SIMC1: variants seen among roughly 807,000 people sequenced by gnomAD.
The protein encoded by SIMC1 is SUMO interacting motifs containing 1.
Under a neutral mutation model 82.3 loss-of-function variants are expected in SIMC1, and 55 were observed. The ratio of observed to expected loss-of-function variants is 0.67; its 90% CI spans 0.54 to 0.84. The LOEUF (loss-of-function observed/expected upper bound fraction) is 0.84, where lower values mean the gene tolerates loss of function less well. Among genes scored for constraint, SIMC1 ranks in the 40% least tolerant of loss-of-function variants. The probability of loss-of-function intolerance (pLI) is 0.00; values close to 1 mark genes in which losing one functional copy is unlikely to be tolerated. For missense variants in SIMC1, 915 were observed against 1,107.2 expected, an observed-to-expected ratio of 0.83 and a Z score of 2.46; for synonymous variants, 353 against 426.3, an observed-to-expected ratio of 0.83 and a Z score of 2.12.
At chr5:176,313,932 G>A in intron 5 of SIMC1, 87 bp downstream of exon 5, 2 of 1,558,780 alleles carry the variant, frequency 1.3e-6, no homozygotes, top group Non-Finnish European at 1.7e-6. Context: ...AGCCAGGTGA[G>A]GTTTTCTAGT....
chr5:176,276,185 C>T (rs1269738467), intron 1 of SIMC1, among the ~76,000 whole-genome samples: 8 of 151,628 alleles, frequency 5.3e-5, no homozygotes, highest in Middle Eastern at 3.2e-3. Context: ...TCAACTTCTT[C>T]CTGGTTTAGT....
intron 1 of SIMC1, among the ~76,000 whole-genome samples, chr5:176,246,275 G>A (rs1761437412): frequency 6.6e-6 from 1 of 152,052 alleles, no homozygotes; most frequent in Non-Finnish European, 1.5e-5. Context: ...CTCCCAAAGT[G>A]TTGGGATTAC....
At chr5:176,281,908 C>A (rs927667652) in intron 1 of SIMC1, among the ~76,000 whole-genome samples, 5 of 152,200 alleles carry the variant, frequency 3.3e-5, no homozygotes, top group African/African-American at 1.2e-4. Flanking sequence ...AGGCAGTCTG[C>A]CCGTTCTCAG....
intron 6 of SIMC1, among the ~76,000 whole-genome samples, chr5:176,323,983 A>G (rs555733184): frequency 6.8e-6 from 1 of 147,828 alleles, no homozygotes; most frequent in African/African-American, 2.5e-5. Flanking sequence ...GCTAGACTCC[A>G]TCTCAAAAAA....
In SIMC1 at chr5:176,289,759, A is replaced by G; in HGVS notation, c.235A>G (p.Thr79Ala). The G allele has an allele frequency of 6.2e-7, 1 of 1,613,736 alleles. No individual in the cohort carries two copies. The highest frequency in any genetic ancestry group is 8.5e-7 in the Non-Finnish European group (1 of 1,179,822). The change falls in exon 2 of 10, where the codon ACT (threonine) becomes GCT (alanine). Residue 79 changes from threonine (T) to alanine (A), a missense_variant. This residue lies in a region of SIMC1 where 902 missense variants were observed against 1,040.3 expected (regional missense o/e 0.87). Coordinates refer to ENST00000429602, the MANE Select transcript of SIMC1 (RefSeq NM_001308195.2). ...TGAGGGAGAAAATAGACCTATTGCCACTCTTGACTTAACTTTAGAACCTGT... is the reference window on the plus strand; with the variant it reads ...TGAGGGAGAAAATAGACCTATTGCCGCTCTTGACTTAACTTTAGAACCTGT... ...RAEGENRPIA[T>A]LDLTLEPVTP...
At chr5:176,344,042 C>T (rs951327406) in intron 9 of SIMC1, among the ~76,000 whole-genome samples, 1 of 152,106 alleles carries the variant, frequency 6.6e-6, no homozygotes, top group East Asian at 1.9e-4. Context: ...GGTGATCTGC[C>T]CATCTCCGCC....
intron 1 of SIMC1, among the ~76,000 whole-genome samples, chr5:176,273,774 G>A (rs918435599): frequency 3.9e-5 from 6 of 152,156 alleles, no homozygotes; most frequent in Non-Finnish European, 5.9e-5. Context: ...TTGTTCTTGC[G>A]ATAGTTTACT....
At chr5:176,275,714 C>T (rs995713039) in intron 1 of SIMC1, among the ~76,000 whole-genome samples, 2 of 151,856 alleles carry the variant, frequency 1.3e-5, no homozygotes, top group Admixed American at 1.3e-4. Context: ...ACCTTTTCTG[C>T]ATCTATTGAG....
At chr5:176,273,176 C>T (rs1343787522) in intron 1 of SIMC1, among the ~76,000 whole-genome samples, 10 of 152,202 alleles carry the variant, frequency 6.6e-5, no homozygotes, top group African/African-American at 1.4e-4. Flanking sequence ...CTGGGAGGCA[C>T]CTCCCAGTAG....
chr5:176,319,638 C>T (rs1765071151), intron 5 of SIMC1, among the ~76,000 whole-genome samples: 1 of 152,034 alleles, frequency 6.6e-6, no homozygotes, highest in South Asian at 2.1e-4. Context: ...CCAACCTGGG[C>T]AACATAGCAA....
At chr5:176,291,344 T>A (rs1326759134) in intron 2 of SIMC1, among the ~76,000 whole-genome samples, 1 of 142,186 alleles carries the variant, frequency 7.0e-6, no homozygotes, top group African/African-American at 2.6e-5. Context: ...TTTTTTTTTT[T>A]TTTTTTTTTT....
intron 1 of SIMC1, among the ~76,000 whole-genome samples, chr5:176,265,005 C>CA (rs1262582076): frequency 6.6e-6 from 1 of 151,568 alleles, no homozygotes; most frequent in African/African-American, 2.4e-5. Context: ...ACCATTTCTA[C>CA]AAAAAAAGCA....
chr5:176,285,109 A>G (rs1163050843), intron 1 of SIMC1, among the ~76,000 whole-genome samples: 3 of 151,674 alleles, frequency 2.0e-5, no homozygotes, highest in Non-Finnish European at 4.4e-5. Context: ...TTGATAGAAA[A>G]AGAGGGAATC....
At chr5:176,256,227 TA>T (rs1240347997) in intron 1 of SIMC1, among the ~76,000 whole-genome samples, 2 of 152,174 alleles carry the variant, frequency 1.3e-5, no homozygotes, top group African/African-American at 4.8e-5. Flanking sequence ...CAAATGTTAT[TA>T]AAAGCAGATC....
chr5:176,276,259 T>C (rs1391713308), intron 1 of SIMC1, among the ~76,000 whole-genome samples: 1 of 151,626 alleles, frequency 6.6e-6, no homozygotes, highest in East Asian at 1.9e-4. Context: ...TTTATTTGCA[T>C]AGAGGTGTTT....
At chr5:176,259,210 T>C (rs1561674891) in intron 1 of SIMC1, among the ~76,000 whole-genome samples, 1 of 152,264 alleles carries the variant, frequency 6.6e-6, no homozygotes, top group African/African-American at 2.4e-5. Context: ...CTCACGCCAG[T>C]AATCCCAGCA....
intron 1 of SIMC1, among the ~76,000 whole-genome samples, chr5:176,284,963 C>A (rs1763196897): frequency 6.6e-6 from 1 of 152,114 alleles, no homozygotes; most frequent in African/African-American, 2.4e-5. Context: ...TAATTAATAG[C>A]CTACCAACCA....
intron 4 of SIMC1, among the ~76,000 whole-genome samples, chr5:176,311,463 T>C (rs1405776736): frequency 6.6e-6 from 1 of 151,938 alleles, no homozygotes; most frequent in Non-Finnish European, 1.5e-5. Context: ...GGGCTGGTCT[T>C]GTTTCCTGGC....
Position 176,238,547 on chromosome 5 carries a change from T to A in SIMC1, c.39T>A (p.Ser13=), listed in dbSNP as rs750443860. Residue 13 remains serine (S), a synonymous_variant, in exon 1 of 10, where the codon TCT becomes TCA. Coordinates refer to ENST00000429602, the MANE Select transcript of SIMC1 (RefSeq NM_001308195.2). ...DFIVISDDSG[S]ESSGGARPGR... is the part of the protein sequence containing the mutation. ...TCGTGATCTCGGACGACAGCGGCTC[T>A]GAGAGCTCCGGGGGCGCCCGCCCGG... The A allele has an allele frequency of 2.8e-3, 3,713 of 1,332,438 alleles. 2 individuals are homozygous for A. Among genetic ancestry groups the A allele is most frequent in the Non-Finnish European group, 3.3e-3 (3,375 of 1,030,460 alleles). The allele number at this position is 1,332,438 out of a possible 1,614,324, so 82.5% of individuals were successfully genotyped here.
Sources: gnomAD v4.1 joint callset for allele counts (sites outside exome capture counted in the v4.1 genomes callset) on GRCh38, gnomAD v4.1.1 for gene constraint, gnomAD v4.1.1 regional missense constraint, MANE v1.5 for transcripts, NCBI Gene and HGNC (gene_info 2026-07-23, HGNC 2026-07-21) for gene names.